Variants in HDAC4 observed in about 807,000 individuals in gnomAD.
HDAC4 encodes the protein histone deacetylase A.
HDAC4 carries 16 observed loss-of-function variants against 135.1 expected under a neutral mutation model. The observed-to-expected ratio is 0.12, with a 90% CI of 0.08 to 0.18. HDAC4 has a LOEUF of 0.18. Among genes scored for constraint, HDAC4 ranks in the 10% least tolerant of loss-of-function variants. The pLI is 1.00. For synonymous variants in HDAC4, 685 were observed against 653.4 expected (o/e 1.05, Z -0.74); for missense variants, 1,143 against 1,511.8 (o/e 0.76, Z 4.05).
intron 3 of HDAC4, among the ~76,000 whole-genome samples, chr2:239,229,155 A>G (rs2047404376): frequency 6.6e-6 from 1 of 152,222 alleles, no homozygotes; most frequent in African/African-American, 2.4e-5. Context: ...ATGTCTCAAA[A>G]AATAAATAAA....
intron 11 of HDAC4, among the ~76,000 whole-genome samples, chr2:239,132,702 G>A (rs1262468732): frequency 6.6e-6 from 1 of 152,220 alleles, no homozygotes; most frequent in Non-Finnish European, 1.5e-5. Context: ...TATCAAAAAG[G>A]CTGTTTTCCA....
At chr2:239,266,183 G>T (rs10196133) in intron 2 of HDAC4, among the ~76,000 whole-genome samples, 39,619 of 152,188 alleles carry the variant, frequency 0.26, 5,364 homozygotes, top group Middle Eastern at 0.29. Context: ...GCCCCTCGCC[G>T]GCATCCCAGC....
At chr2:239,096,066 C>T (rs2036997854) in intron 16 of HDAC4, among the ~76,000 whole-genome samples, 1 of 152,146 alleles carries the variant, frequency 6.6e-6, no homozygotes, top group Non-Finnish European at 1.5e-5. Context: ...AGAACAGTAG[C>T]CTCCACTCTG....
intron 2 of HDAC4, among the ~76,000 whole-genome samples, chr2:239,345,231 A>G (rs1692532762): frequency 6.6e-6 from 1 of 152,088 alleles, no homozygotes; most frequent in Admixed American, 6.5e-5. Context: ...GGTCTTCAAA[A>G]TTCCTTTTCT....
In HDAC4 at chr2:239,146,104, G is replaced by A. The variant is rs921324693; in HGVS notation, c.734-1390C>T. Among the ~76,000 whole-genome samples the A allele has an allele frequency of 2.2e-4, 34 of 152,238 alleles. No homozygotes were observed. The highest frequency in any genetic ancestry group is 7.9e-4 in the African/African-American group (33 of 41,534). On this transcript the variant is annotated intron_variant, in intron 7 of 26. Coordinates refer to ENST00000543185, the MANE Select transcript of HDAC4 (RefSeq NM_001378414.1). The surrounding 1 kb of genome is among the most constrained non-coding windows in gnomAD (Gnocchi z 4.5). ...CAGATGACGGATTCAGCCACAAGCC[G>A]GCCTCTCCACGGGCTACTGACGAGG...
At position 239,068,193 on chromosome 2, in the gene HDAC4, C is replaced by A. The variant is rs2033770861; in HGVS notation, c.2869+296G>T. Reference sequence around the variant, plus strand: ...CTCTTGGTGGGACCAGGACCTGCCCCTGGAGGTGGCCTGCAGGTCCCTAGG... The same window carrying A: ...CTCTTGGTGGGACCAGGACCTGCCCATGGAGGTGGCCTGCAGGTCCCTAGG... On this transcript the variant is annotated intron_variant, in intron 23 of 26. Coordinates refer to ENST00000543185, the MANE Select transcript of HDAC4 (RefSeq NM_001378414.1). This position sits in a 1 kb window ranked among gnomAD's most constrained non-coding sequence, Gnocchi z 4.4. 6.6e-6 allele frequency among the ~76,000 whole-genome samples: 1 copy of A among 152,168 alleles called. No homozygotes were observed. Among genetic ancestry groups the A allele is most frequent in the Non-Finnish European group, 1.5e-5 (1 of 68,010 alleles).
rs1279187778 is a variant in HDAC4 at position 239,050,470 on chromosome 2, TC to T, written c.*2626del. 3.3e-5 allele frequency: 5 copies of T among 152,412 alleles called. No homozygotes were observed. The highest frequency in any genetic ancestry group is 7.3e-5 in the Non-Finnish European group (5 of 68,096). The allele number at this position is 152,412 out of a possible 1,614,324, so 9.4% of individuals were successfully genotyped here. A position where few individuals can be genotyped will look rare whatever the true frequency, so the allele number is the denominator to read the frequency against. On this transcript the variant is annotated 3_prime_UTR_variant, in exon 27 of 27. Coordinates refer to ENST00000543185, the MANE Select transcript of HDAC4 (RefSeq NM_001378414.1). ...TGCCATGAATGGGGAATGGACCAGC[TC>T]CTCTTGCCAATCTGGGCTTCAGAGC...
chr2:239,384,066 A>T (rs532714687), intron 1 of HDAC4, among the ~76,000 whole-genome samples: 4 of 152,356 alleles, frequency 2.6e-5, no homozygotes. Context: ...ACACAGACAG[A>T]GAAGCAGCTC....
chr2:239,170,575 T>C (rs1281252724), intron 5 of HDAC4, among the ~76,000 whole-genome samples: 1 of 152,212 alleles, frequency 6.6e-6, no homozygotes. Flanking sequence ...AAGAACAGGT[T>C]AGGAAACCTG....
At position 239,189,808 on chromosome 2, in the gene HDAC4, C is replaced by A; in HGVS notation, c.339+25G>T. On this transcript the variant is annotated intron_variant, in intron 4 of 26. Transcript: ENST00000543185. ...TTGAGGGTGCCGGAGGCCTGGCCCA[C>A]CCGCAGCCCCGCACCGCGCCTCACC... 1.9e-6 allele frequency: 3 copies of A among 1,594,778 alleles called. No individual in the cohort carries two copies. The East Asian group carries it at 6.7e-5, about 36-fold the overall frequency.
rs565905620 is a variant in HDAC4 at position 239,345,802 on chromosome 2, C to T, written c.22+6876G>A. 1.2e-3 allele frequency among the ~76,000 whole-genome samples: 167 copies of T among 144,624 alleles called. 1 individual carries two copies. The highest frequency in any genetic ancestry group is 4.2e-3 in the Middle Eastern group (1 of 236). The allele number at this position is 144,624 out of a possible 152,430, so 94.9% of individuals were successfully genotyped here. ...ACTCAAACACACATACACACCCTAA[C>T]ACACATACACATCGTCTAAAATACA... is the stretch of plus-strand genomic sequence containing the variant. On this transcript the variant is annotated intron_variant, in intron 2 of 26. Transcript: ENST00000543185.
chr2:239,096,378 C>T (rs1302458171), intron 16 of HDAC4, among the ~76,000 whole-genome samples: 3 of 132,176 alleles, frequency 2.3e-5, no homozygotes, highest in East Asian at 2.3e-4. Flanking sequence ...CAACCCCCCC[C>T]GACACCTGCA....
chr2:239,204,885 T>C (rs57546329), intron 3 of HDAC4, among the ~76,000 whole-genome samples: 29,527 of 152,076 alleles, frequency 0.19, 3,314 homozygotes, highest in East Asian at 0.37. Flanking sequence ...AGGGTCCCCA[T>C]TGCCCCCAAC....
chr2:239,222,466 T>C (rs1422516592), intron 3 of HDAC4, among the ~76,000 whole-genome samples: 6 of 151,452 alleles, frequency 4.0e-5, no homozygotes, highest in Non-Finnish European at 7.4e-5. Context: ...AGTTGGTAAG[T>C]TGGCTTTCAA....
intron 1 of HDAC4, among the ~76,000 whole-genome samples, chr2:239,378,640 A>AACCCCGGGAACCAATG (rs1559396117): frequency 5.9e-5 from 9 of 151,784 alleles, no homozygotes; most frequent in East Asian, 1.9e-4. Flanking sequence ...GGGAACCAAG[A>AACCCCGGGAACCAATG]ACCCCGGGAA....
At chr2:239,375,348 T>C (rs1317210810) in intron 1 of HDAC4, among the ~76,000 whole-genome samples, 4 of 138,972 alleles carry the variant, frequency 2.9e-5, no homozygotes, top group African/African-American at 1.0e-4. Context: ...CCCTAAATGT[T>C]CCCTGAACAC....
intron 2 of HDAC4, among the ~76,000 whole-genome samples, chr2:239,305,919 G>A (rs1021851955): frequency 1.3e-5 from 2 of 152,226 alleles, no homozygotes; most frequent in African/African-American, 4.8e-5. Context: ...AGCATTCAAG[G>A]AGACCACGGA....
chr2:239,332,633 G>GA lies in HDAC4; in HGVS notation c.22+20044dup, dbSNP rs919309617. 1.4e-3 allele frequency among the ~76,000 whole-genome samples: 195 copies of GA among 141,196 alleles called. 2 individuals are homozygous for GA. In the East Asian group the frequency reaches 0.02, roughly 15 times the overall value. The allele number at this position is 141,196 out of a possible 152,430, so 92.6% of individuals were successfully genotyped here. ...GCACGTGGATTACAGAAGAAAGTCT[G>GA]AAAAAAAAAAATCAGTGATCTAAAT... On this transcript the variant is annotated intron_variant, in intron 2 of 26. Transcript: ENST00000543185.
chr2:239,236,321 G>A (rs1226332228), intron 3 of HDAC4, among the ~76,000 whole-genome samples: 1 of 152,108 alleles, frequency 6.6e-6, no homozygotes, highest in Non-Finnish European at 1.5e-5. Context: ...CAGGCAGTTG[G>A]TGCCTTTGGG....
Sources: allele counts gnomAD v4.1 joint callset (sites outside exome capture counted in the v4.1 genomes callset), GRCh38; gene constraint gnomAD v4.1.1; non-coding constraint Gnocchi (gnomAD v3.1); transcripts MANE v1.5; gene names NCBI Gene and HGNC (gene_info 2026-07-23, HGNC 2026-07-21).